ZC3H12B: variants seen among roughly 807,000 people sequenced by gnomAD.
The protein encoded by ZC3H12B is zinc finger CCCH-type containing 12B.
ZC3H12B carries 7 observed loss-of-function variants against 43.9 expected under a neutral mutation model. The ratio of observed to expected loss-of-function variants is 0.16; its 90% CI spans 0.09 to 0.30. ZC3H12B has a LOEUF of 0.30. ZC3H12B is among the 10% of genes least tolerant of loss of function. The pLI is 1.00. For missense variants in ZC3H12B, 475 were observed against 670.2 expected, an observed-to-expected ratio of 0.71 and a Z score of 3.22; for synonymous variants, 222 against 241.7, an observed-to-expected ratio of 0.92 and a Z score of 0.76.
chrX:65,213,704 G>A, the ZC3H12B span, among the ~76,000 whole-genome samples: 2 of 109,888 alleles, frequency 1.8e-5, no homozygotes, highest in Non-Finnish European at 3.8e-5. Flanking sequence ...ATGTTGTCAT[G>A]TTTTTTGTTT....
chrX:65,367,084 C>T (rs970163042), intron 1 of ZC3H12B, among the ~76,000 whole-genome samples: 6 of 112,163 alleles, frequency 5.3e-5, no homozygotes, highest in Admixed American at 9.4e-5. Flanking sequence ...AGAATGAAAG[C>T]TAGTCAGAAC....
the ZC3H12B span, among the ~76,000 whole-genome samples, chrX:65,223,134 G>A: frequency 4.2e-3 from 469 of 111,501 alleles, 6 homozygotes; most frequent in Middle Eastern, 0.074. Context: ...ATAAAGTAGG[G>A]AAAGGACACC....
the ZC3H12B span, among the ~76,000 whole-genome samples, chrX:65,044,342 A>T: frequency 9.0e-6 from 1 of 111,418 alleles, no homozygotes; most frequent in African/African-American, 3.3e-5. Flanking sequence ...AGGTTAATGT[A>T]TCCAGAATGT....
chrX:65,162,784 G>A, the ZC3H12B span, among the ~76,000 whole-genome samples: 2 of 112,346 alleles, frequency 1.8e-5, no homozygotes, highest in East Asian at 2.8e-4. Context: ...GTCATTCTCT[G>A]TCCAGCTTTG....
At chrX:65,505,881 T>C (rs1012175325) in exon 5 of ZC3H12B, 1 of 113,145 alleles carries the variant, frequency 8.8e-6, no homozygotes, top group Non-Finnish European at 1.9e-5. Context: ...CGATTGTCAT[T>C]CTCCTCTCAT....
At chrX:65,207,168 G>C in the ZC3H12B span, among the ~76,000 whole-genome samples, 1 of 106,772 alleles carries the variant, frequency 9.4e-6, no homozygotes, top group African/African-American at 3.4e-5. Context: ...TTTCTACTTA[G>C]AAAAAAAGAA....
chrX:65,362,562 A>G (rs899711830), upstream of ZC3H12B, among the ~76,000 whole-genome samples: 1 of 109,694 alleles, frequency 9.1e-6, no homozygotes, highest in Non-Finnish European at 1.9e-5. Flanking sequence ...CCTCCTTCAC[A>G]TCTTCCTCTC....
At chrX:65,151,408 G>A in the ZC3H12B span, among the ~76,000 whole-genome samples, 2 of 112,031 alleles carry the variant, frequency 1.8e-5, no homozygotes, top group Non-Finnish European at 3.8e-5. Context: ...AAATTGACAT[G>A]TAGGATATGT....
chrX:65,285,983 C>T, the ZC3H12B span, among the ~76,000 whole-genome samples: 2 of 111,559 alleles, frequency 1.8e-5, no homozygotes, highest in Non-Finnish European at 3.8e-5. Flanking sequence ...TAAAAGATAG[C>T]CACTATAGAA....
the ZC3H12B span, among the ~76,000 whole-genome samples, chrX:65,067,131 C>G: frequency 9.1e-6 from 1 of 110,101 alleles, no homozygotes; most frequent in Non-Finnish European, 1.9e-5. Context: ...CTTCAGCCCC[C>G]TTTCCAGAGG....
At chrX:65,262,051 C>T in the ZC3H12B span, among the ~76,000 whole-genome samples, 1 of 110,707 alleles carries the variant, frequency 9.0e-6, no homozygotes, top group Non-Finnish European at 1.9e-5. Context: ...TCATTATAGG[C>T]TCCTTTTTAT....
At chrX:65,457,135 C>A (rs1434051185) in intron 3 of ZC3H12B, among the ~76,000 whole-genome samples, 1 of 89,040 alleles carries the variant, frequency 1.1e-5, no homozygotes, top group Non-Finnish European at 2.2e-5. Context: ...TGGGCTGCAA[C>A]CCTGTCTGGG....
At chrX:65,271,694 G>A in the ZC3H12B span, 2 of 113,417 alleles carry the variant, frequency 1.8e-5, no homozygotes, top group African/African-American at 6.5e-5. Context: ...TCTAGCCACA[G>A]CTACCACTGT....
At chrX:65,427,305 T>C (rs2067094949) in intron 3 of ZC3H12B, among the ~76,000 whole-genome samples, 1 of 111,432 alleles carries the variant, frequency 9.0e-6, no homozygotes, top group African/African-American at 3.3e-5. Flanking sequence ...GTTTTCCATT[T>C]GCAGAGTAGA....
intron 2 of ZC3H12B, among the ~76,000 whole-genome samples, chrX:65,389,843 G>A (rs2066587429): frequency 8.9e-6 from 1 of 112,597 alleles, no homozygotes; most frequent in Non-Finnish European, 1.9e-5. Flanking sequence ...GTGGAAGACA[G>A]TGTGGTGAAT....
chrX:65,418,681 C>T (rs2066987028), intron 3 of ZC3H12B, among the ~76,000 whole-genome samples: 1 of 111,676 alleles, frequency 9.0e-6, no homozygotes, highest in South Asian at 3.8e-4. Flanking sequence ...AAATCTTACT[C>T]GATCTGTATA....
chrX:65,197,840 A>T, the ZC3H12B span, among the ~76,000 whole-genome samples: 1 of 111,885 alleles, frequency 8.9e-6, no homozygotes, highest in Non-Finnish European at 1.9e-5. Context: ...TGGTCTTGGG[A>T]ACTTTTTCCA....
the ZC3H12B span, among the ~76,000 whole-genome samples, chrX:65,069,515 G>T: frequency 6.3e-5 from 7 of 110,307 alleles, no homozygotes; most frequent in African/African-American, 2.3e-4. Context: ...TCTATTAAAT[G>T]TATCTGATAG....
chrX:65,228,306 A>C, the ZC3H12B span, among the ~76,000 whole-genome samples: 3 of 112,202 alleles, frequency 2.7e-5, no homozygotes, highest in African/African-American at 9.7e-5. Flanking sequence ...CAATAGATGC[A>C]GAAAAGGCCT....
Sources: allele counts gnomAD v4.1 joint callset (sites outside exome capture counted in the v4.1 genomes callset), GRCh38; gene constraint gnomAD v4.1.1; transcripts MANE v1.5; gene names NCBI Gene and HGNC (gene_info 2026-07-23, HGNC 2026-07-21).